SSX2IP: variants seen among roughly 807,000 people sequenced by gnomAD.
SSX2IP encodes afadin- and alpha-actinin-binding protein.
In SSX2IP, 55 loss-of-function variants were observed where a neutral mutation model predicts 84.9. That is an observed-to-expected ratio of 0.65 (90% CI 0.52 to 0.81). SSX2IP has a LOEUF of 0.81. Ranked by LOEUF, SSX2IP falls within the 30% of genes least tolerant of loss-of-function variation. The probability of loss-of-function intolerance (pLI) is 0.00; values close to 1 mark genes in which losing one functional copy is unlikely to be tolerated. For synonymous variants in SSX2IP, 239 were observed against 234.7 expected, an observed-to-expected ratio of 1.02 and a Z score of -0.17; for missense variants, 664 against 705.2, an observed-to-expected ratio of 0.94 and a Z score of 0.66.
At chr1:84,662,084 T>C (rs1392906902) in intron 8 of SSX2IP, 114 bp downstream of exon 8, 15 of 666,154 alleles carry the variant, frequency 2.3e-5, no homozygotes, top group Middle Eastern at 4.3e-4. Context: ...AGCATAGCAG[T>C]TGAGTGTCCT....
In SSX2IP at chr1:84,662,516, T is replaced by A; in HGVS notation, c.688A>T (p.Asn230Tyr). ...TTTCCATCAGCTCTCCCGACATAAT[T>A]CAAAATGTCCATAGCTACAAACATG... ...KDKKIAMDIL[N>Y]YVGRADGKRG... Residue 230 changes from asparagine (N) to tyrosine (Y), a missense_variant, in exon 7 of 14, where the codon AAT becomes TAT. Asn to Tyr is a moderately radical substitution (Grantham distance 143). Transcript: ENST00000342203. 2 of 1,613,892 alleles carry A rather than the reference T, an allele frequency of 1.2e-6. No homozygotes were observed. The highest frequency in any genetic ancestry group is 1.7e-6 in the Non-Finnish European group (2 of 1,179,890).
intron 7 of SSX2IP, 34 bp from the exon 8 acceptor site, chr1:84,662,409 A>G: frequency 6.2e-7 from 1 of 1,610,564 alleles, no homozygotes; most frequent in Non-Finnish European, 8.5e-7. Flanking sequence ...AAAATGCAGG[A>G]TAGAAGGAAG....
At chr1:84,655,613 A>G (rs770197174) in intron 11 of SSX2IP, 1 of 1,494,210 alleles carries the variant, frequency 6.7e-7, no homozygotes, top group African/African-American at 1.4e-5. Flanking sequence ...AAATGCTTAT[A>G]GCGTTTTTTT....
At chr1:84,690,112 T>A (rs1271174890) in intron 1 of SSX2IP, 1 of 151,892 alleles carries the variant, frequency 6.6e-6, no homozygotes, top group Non-Finnish European at 1.5e-5. Flanking sequence ...CAGGCGCAGC[T>A]CCGCGAACGC....
chr1:84,652,242 G>A, intron 11 of SSX2IP: 1 of 371,064 alleles, frequency 2.7e-6, no homozygotes. Flanking sequence ...AGGCAACACG[G>A]CAAAACCCTG....
chr1:84,659,151 G>A (rs1187012696), intron 8 of SSX2IP, among the ~76,000 whole-genome samples: 2 of 152,130 alleles, frequency 1.3e-5, no homozygotes, highest in Non-Finnish European at 2.9e-5. Context: ...TTAATATTCA[G>A]GAAGGCAGAG....
At chr1:84,647,751 G>GTA in intron 13 of SSX2IP, 144 bp from the exon 14 acceptor site, 11 of 373,270 alleles carry the variant, frequency 2.9e-5, no homozygotes, top group East Asian at 7.7e-5. Context: ...AATTTTACTT[G>GTA]GAAAAAAAAA....
At chr1:84,658,275 C>T in intron 9 of SSX2IP, 43 bp downstream of exon 9, 1 of 1,607,932 alleles carries the variant, frequency 6.2e-7, no homozygotes, top group Non-Finnish European at 8.5e-7. Context: ...AACACCTTAC[C>T]AAATGTCACA....
chr1:84,645,797 C>T lies in SSX2IP; in HGVS notation c.*1636G>A, dbSNP rs1366812700. 2 of 152,092 alleles carry T rather than the reference C, an allele frequency of 1.3e-5. No homozygotes were observed. The highest frequency in any genetic ancestry group is 4.8e-5 in the African/African-American group (2 of 41,396). 9.4% of individuals were successfully genotyped at this position (152,092 alleles called of 1,614,324 possible). A position where few individuals can be genotyped will look rare whatever the true frequency, so the allele number is the denominator to read the frequency against. ...ATGGTAGTGTCTTCGATATTTTGTA[C>T]AATGTGTAGTATTTTAAATAGTAAA... On this transcript the variant is annotated 3_prime_UTR_variant, in exon 14 of 14. Transcript: ENST00000342203.
At chr1:84,655,386 TA>T in intron 11 of SSX2IP, 2 of 1,226,842 alleles carry the variant, frequency 1.6e-6, no homozygotes, top group South Asian at 1.5e-5. Flanking sequence ...CATTGCTAAG[TA>T]AAAAAAGCAA....
At chr1:84,670,861 T>C (rs1282636837) in intron 2 of SSX2IP, 46 bp from the exon 3 acceptor site, 3 of 1,479,748 alleles carry the variant, frequency 2.0e-6, no homozygotes, top group Middle Eastern at 2.2e-4. Context: ...GAAAAACGTA[T>C]GTAAAGCTAA....
At position 84,658,241 on chromosome 1, in the gene SSX2IP, C is replaced by A. The variant is rs551407164; in HGVS notation, c.1078+77G>T. ...GTACTTTAGCTCTGAGCCTATAATGCGGCTTTCTAAGTGACTAAAAATCAA... is the reference window on the plus strand; with the variant it reads ...GTACTTTAGCTCTGAGCCTATAATGAGGCTTTCTAAGTGACTAAAAATCAA... On this transcript the variant is annotated intron_variant, in intron 9 of 13. Transcript: ENST00000342203. 52 of 1,547,550 alleles carry A rather than the reference C, an allele frequency of 3.4e-5. No individual in the cohort carries two copies. The East Asian group carries it at 9.9e-4, about 29-fold the overall frequency.
chr1:84,689,846 C>CT (rs1171817150), intron 1 of SSX2IP, among the ~76,000 whole-genome samples: 2 of 152,214 alleles, frequency 1.3e-5, no homozygotes, highest in African/African-American at 4.8e-5. Context: ...TTCCCCTAGA[C>CT]TTTTTACTAG....
At chr1:84,654,004 C>G (rs1650713256) in intron 11 of SSX2IP, among the ~76,000 whole-genome samples, 1 of 152,006 alleles carries the variant, frequency 6.6e-6, no homozygotes, top group Non-Finnish European at 1.5e-5. Flanking sequence ...AAAACTGACC[C>G]TGAAAGGCCA....
chr1:84,687,318 TAG>T (rs750698646), intron 1 of SSX2IP, among the ~76,000 whole-genome samples: 1 of 152,238 alleles, frequency 6.6e-6, no homozygotes, highest in Non-Finnish European at 1.5e-5. Context: ...TAACTGCTTG[TAG>T]TTTCATTTCT....
chr1:84,650,626 G>T, intron 12 of SSX2IP, 99 bp from the exon 13 acceptor site: 1 of 1,257,832 alleles, frequency 8.0e-7, no homozygotes, highest in Non-Finnish European at 1.1e-6. Flanking sequence ...GGTTCTGAGT[G>T]AGGAAAGAGA....
chr1:84,662,627 T>A, intron 6 of SSX2IP, 97 bp from the exon 7 acceptor site: 1 of 1,284,272 alleles, frequency 7.8e-7, no homozygotes, highest in Non-Finnish European at 1.1e-6. Context: ...AAAGTGAACC[T>A]GGTATATAGG....
At chr1:84,673,337 G>A (rs1278116650) in intron 1 of SSX2IP, among the ~76,000 whole-genome samples, 1 of 152,102 alleles carries the variant, frequency 6.6e-6, no homozygotes, top group Non-Finnish European at 1.5e-5. Context: ...TCAATGACCA[G>A]AGCAGCCCAG....
intron 6 of SSX2IP, among the ~76,000 whole-genome samples, chr1:84,663,686 A>C (rs1261337930): frequency 1.3e-5 from 2 of 152,200 alleles, no homozygotes; most frequent in Non-Finnish European, 2.9e-5. Context: ...AAGGTAAGAC[A>C]GTTTAGGGGT....
Sources: gnomAD v4.1 joint callset for allele counts (sites outside exome capture counted in the v4.1 genomes callset) on GRCh38, gnomAD v4.1.1 for gene constraint, MANE v1.5 for transcripts, NCBI Gene and HGNC (gene_info 2026-07-23, HGNC 2026-07-21) for gene names.